The following GLDC variants were observed in gnomAD, a reference collection of about 807,000 sequenced individuals.
GLDC encodes the protein glycine dehydrogenase (decarboxylating), mitochondrial.
Under a neutral mutation model 121.3 loss-of-function variants are expected in GLDC, and 104 were observed. The observed-to-expected ratio is 0.86, with a 90% CI of 0.73 to 1.01. The LOEUF (loss-of-function observed/expected upper bound fraction) is 1.01. Ranked by LOEUF, GLDC falls within the 50% of genes least tolerant of loss-of-function variation. The pLI, the probability that GLDC is intolerant of heterozygous loss-of-function variation, is 0.00. For missense variants in GLDC, 1,429 were observed against 1,306.6 expected (o/e 1.09, Z -1.44); for synonymous variants, 546 against 480.6 (o/e 1.14, Z -1.78).
chr9:6,571,165 CT>C (rs200717936), intron 15 of GLDC, among the ~76,000 whole-genome samples: 50 of 151,388 alleles, frequency 3.3e-4, no homozygotes, highest in Middle Eastern at 3.4e-3. Context: ...GGAATAGCTA[CT>C]TTTTTTAAAA....
chr9:6,548,880 C>G (rs1373642214), intron 21 of GLDC, among the ~76,000 whole-genome samples: 2 of 151,954 alleles, frequency 1.3e-5, no homozygotes, highest in Non-Finnish European at 2.9e-5. Flanking sequence ...AGCTTAAAAT[C>G]ATGTTGTTTT....
chr9:6,624,265 C>T (rs915842019), intron 2 of GLDC, among the ~76,000 whole-genome samples: 4 of 152,238 alleles, frequency 2.6e-5, no homozygotes, highest in Admixed American at 6.5e-5. Context: ...CTGAATATAA[C>T]CTTACTTGAA....
At chr9:6,627,261 A>G (rs1187861134) in intron 2 of GLDC, among the ~76,000 whole-genome samples, 1 of 141,648 alleles carries the variant, frequency 7.1e-6, no homozygotes, top group Non-Finnish European at 1.5e-5. Flanking sequence ...ACGCCACTGC[A>G]CTCCAGCCTG....
At chr9:6,570,945 T>A (rs1043055087) in intron 15 of GLDC, among the ~76,000 whole-genome samples, 2 of 152,074 alleles carry the variant, frequency 1.3e-5, no homozygotes, top group African/African-American at 4.8e-5. Context: ...GAAAAATATT[T>A]ATTTTATGAG....
chr9:6,619,812 C>T (rs993219946), intron 3 of GLDC, among the ~76,000 whole-genome samples: 1 of 152,140 alleles, frequency 6.6e-6, no homozygotes, highest in African/African-American at 2.4e-5. Context: ...AATGAGATAG[C>T]TCAGAAGTAG....
rs543545817 is a variant in GLDC, at chr9:6,559,265, A to G, written c.1927-581T>C. The stretch of plus-strand genomic sequence containing the variant: ...TGCAGTGGCTCACGCGTGTAATCCC[A>G]GCACTTTGGGAGGCCGAGGCGGGTG... On this transcript the variant is annotated intron_variant, in intron 16 of 24. Transcript: ENST00000321612. 5.4e-3 allele frequency among the ~76,000 whole-genome samples: 829 copies of G among 152,320 alleles called. 8 individuals are homozygous for G. The highest frequency in any genetic ancestry group is 7.3e-3 in the Non-Finnish European group (495 of 68,038).
At position 6,579,657 on chromosome 9, in the gene GLDC, T is replaced by C. The variant is rs766059354; in HGVS notation, c.1850+7484A>G. Among the ~76,000 whole-genome samples the C allele has an allele frequency of 2.6e-5, 4 of 152,182 alleles. No individual in the cohort carries two copies. The South Asian group carries it at 8.3e-4, about 32-fold the overall frequency. On this transcript the variant is annotated intron_variant, in intron 15 of 24. Coordinates refer to ENST00000321612, the MANE Select transcript of GLDC (RefSeq NM_000170.3). ...TGTGAGCCACCGTGCCCAGTCCTGA[T>C]TGTTTAAAATTGAAACTCATGGTTT...
intron 22 of GLDC, among the ~76,000 whole-genome samples, chr9:6,537,808 T>A (rs2129654965): frequency 6.6e-6 from 1 of 152,124 alleles, no homozygotes; most frequent in African/African-American, 2.4e-5. Flanking sequence ...AACATCCAGA[T>A]GAGTTGAAAG....
chr9:6,610,337 A>G lies in GLDC; in HGVS notation c.490T>C (p.Tyr164His). The G allele has an allele frequency of 1.2e-6, 2 of 1,613,970 alleles. No homozygotes were observed. The highest frequency in any genetic ancestry group is 2.2e-5 in the South Asian group (2 of 91,062). Residue 164 changes from tyrosine (Y) to histidine (H), a missense_variant, in exon 4 of 25, where the codon TAC becomes CAC. Coordinates refer to ENST00000321612, the MANE Select transcript of GLDC (RefSeq NM_000170.3). ...CTCCCCTGAGACACCTCAGGCTGGT[A>G]TGGAGTATACTGGGTGATCCTGCAA... Reference protein sequence around the residue: ...NSGWITQYTPYQPEVSQGRLE... With the variant: ...NSGWITQYTPHQPEVSQGRLE...
chr9:6,541,601 T>C (rs1817259036), intron 21 of GLDC: 1 of 151,698 alleles, frequency 6.6e-6, no homozygotes. Flanking sequence ...GGCAGGCAAA[T>C]CACTTGAGGT....
chr9:6,540,435 T>C, intron 21 of GLDC: 1 of 414,434 alleles, frequency 2.4e-6, no homozygotes, highest in Non-Finnish European at 4.5e-6. Context: ...ACTGAACATA[T>C]GACCGGAGGT....
intron 2 of GLDC, among the ~76,000 whole-genome samples, chr9:6,636,942 G>A (rs964039981): frequency 4.0e-5 from 6 of 151,660 alleles, no homozygotes; most frequent in Non-Finnish European, 7.4e-5. Flanking sequence ...AAATTAGCTG[G>A]CTGTGGTGGT....
At chr9:6,642,536 TAAAAA>T (rs1168771706) in intron 2 of GLDC, among the ~76,000 whole-genome samples, 1 of 151,932 alleles carries the variant, frequency 6.6e-6, no homozygotes, top group African/African-American at 2.4e-5. Flanking sequence ...ATTTCAAAAA[TAAAAA>T]TAAAAAATAA....
chr9:6,638,797 T>C (rs986588486), intron 2 of GLDC, among the ~76,000 whole-genome samples: 1 of 151,878 alleles, frequency 6.6e-6, no homozygotes, highest in Non-Finnish European at 1.5e-5. Context: ...GATCACGAGG[T>C]CAGGAGTTTG....
chr9:6,622,614 T>C (rs1007244877), intron 2 of GLDC, among the ~76,000 whole-genome samples: 4 of 152,130 alleles, frequency 2.6e-5, no homozygotes, highest in African/African-American at 7.2e-5. Flanking sequence ...CCCAGCCGCC[T>C]GCCTTGGCCT....
chr9:6,618,241 C>G (rs1819004496), intron 3 of GLDC, among the ~76,000 whole-genome samples: 1 of 152,108 alleles, frequency 6.6e-6, no homozygotes, highest in Non-Finnish European at 1.5e-5. Context: ...TATAAAATGG[C>G]ACCAATCCAA....
intron 20 of GLDC, among the ~76,000 whole-genome samples, chr9:6,552,798 T>G (rs1442050932): frequency 6.6e-6 from 1 of 151,990 alleles, no homozygotes; most frequent in Non-Finnish European, 1.5e-5. Context: ...TTATTTGGAA[T>G]AAGACAAAGG....
At chr9:6,625,281 C>G (rs59759266) in intron 2 of GLDC, among the ~76,000 whole-genome samples, 23,573 of 151,862 alleles carry the variant, frequency 0.16, 1,974 homozygotes, top group East Asian at 0.37. Flanking sequence ...CTCTCTCACT[C>G]ACACGGCCTG....
Position 6,620,309 on chromosome 9 carries a change from T to G in GLDC, c.345A>C (p.Glu115Asp), listed in dbSNP as rs973364338. The change falls in exon 3 of 25, where the codon GAA becomes GAC. Residue 115 changes from glutamate (E) to aspartate (D), a missense_variant. Glu to Asp is a conservative substitution (Grantham distance 45). Coordinates refer to ENST00000321612, the MANE Select transcript of GLDC (RefSeq NM_000170.3). The part of the protein sequence containing the change: ...LKMEDPVCEN[E>D]ILATLHAISS... ...AAATGGCATGCAGAGTTGCAAGGAT[T>G]TCATTTTCACCTAATTGTGGGAAAA... 1 of 1,613,642 alleles carries G rather than the reference T, an allele frequency of 6.2e-7. No individual in the cohort carries two copies. Among genetic ancestry groups the G allele is most frequent in the Non-Finnish European group, 8.5e-7 (1 of 1,179,518 alleles).
Sources: allele counts gnomAD v4.1 joint callset (sites outside exome capture counted in the v4.1 genomes callset), GRCh38; gene constraint gnomAD v4.1.1; transcripts MANE v1.5; gene names NCBI Gene and HGNC (gene_info 2026-07-23, HGNC 2026-07-21).